The following RAD51AP1 variants were observed in gnomAD, a reference collection of about 807,000 sequenced individuals.
The protein encoded by RAD51AP1 is RAD51 associated protein 1.
A neutral mutation model predicts 34.3 loss-of-function variants in RAD51AP1; 14 were observed. The ratio of observed to expected loss-of-function variants is 0.41; its 90% CI spans 0.27 to 0.64. The LOEUF is 0.64. Among genes scored for constraint, RAD51AP1 ranks in the 30% least tolerant of loss-of-function variants. The pLI is 0.33. For missense variants in RAD51AP1, 348 were observed against 386.9 expected, an observed-to-expected ratio of 0.90 and a Z score of 0.84; for synonymous variants, 114 against 129.8, an observed-to-expected ratio of 0.88 and a Z score of 0.83.
intron 8 of RAD51AP1, among the ~76,000 whole-genome samples, chr12:4,557,858 C>T (rs1050722704): frequency 6.6e-6 from 1 of 152,124 alleles, no homozygotes; most frequent in African/African-American, 2.4e-5. Context: ...TACTCAGCTC[C>T]ATCGTATTGT....
At chr12:4,543,929 T>C (rs756699272) in intron 3 of RAD51AP1, 25 bp downstream of exon 3, 8 of 1,573,214 alleles carry the variant, frequency 5.1e-6, no homozygotes, top group Non-Finnish European at 6.1e-6. Context: ...ATGCAGTAAA[T>C]ATATGACATT....
At chr12:4,549,181 G>C (rs1944528563) in intron 6 of RAD51AP1, among the ~76,000 whole-genome samples, 1 of 152,202 alleles carries the variant, frequency 6.6e-6, no homozygotes, top group Non-Finnish European at 1.5e-5. Context: ...AGGGAGGCTG[G>C]TACTAATCAG....
intron 2 of RAD51AP1, among the ~76,000 whole-genome samples, chr12:4,543,359 C>T (rs570365812): frequency 6.6e-6 from 1 of 152,268 alleles, no homozygotes; most frequent in East Asian, 1.9e-4. Context: ...CTGTGCCTGG[C>T]CCAAGTAATG....
chr12:4,545,952 T>G, intron 3 of RAD51AP1: 1 of 1,176,270 alleles, frequency 8.5e-7, no homozygotes, highest in Non-Finnish European at 1.2e-6. Flanking sequence ...GTGGGTGAGG[T>G]CAAGGAAGAG....
At position 4,538,952 on chromosome 12, in the gene RAD51AP1, G is replaced by A. The variant is rs747557183; in HGVS notation, c.13G>A (p.Val5Met). The change falls in exon 1 of 9, where the codon GTG becomes ATG. Residue 5 changes from valine to methionine, a missense_variant. Val to Met is a conservative substitution (Grantham distance 21). Transcript: ENST00000352618. Reference protein sequence around the residue: MVRPVRHKKPVNYSQ... With the variant: MVRPMRHKKPVNYSQ... ...CTTGAAAGGGACCATGGTGCGGCCT[G>A]TGAGGTGGGTAGTTCCTGACATTCG... 1.2e-6 allele frequency: 2 copies of A among 1,614,056 alleles called. No individual in the cohort carries two copies. Among genetic ancestry groups the A allele is most frequent in the Non-Finnish European group, 1.7e-6 (2 of 1,179,878 alleles).
chr12:4,548,291 C>G, intron 5 of RAD51AP1, 113 bp downstream of exon 5: 1 of 1,366,990 alleles, frequency 7.3e-7, no homozygotes, highest in South Asian at 1.4e-5. Context: ...TCAAGACTCT[C>G]TTGATGTCAT....
At chr12:4,554,746 TC>T (rs1217254192) in intron 7 of RAD51AP1, among the ~76,000 whole-genome samples, 1 of 152,206 alleles carries the variant, frequency 6.6e-6, no homozygotes, top group Non-Finnish European at 1.5e-5. Flanking sequence ...ATATTTTTAG[TC>T]CTACTAGTAA....
intron 6 of RAD51AP1, 113 bp downstream of exon 6, chr12:4,548,949 A>G: frequency 8.7e-7 from 1 of 1,144,626 alleles, no homozygotes; most frequent in Non-Finnish European, 1.2e-6. Flanking sequence ...TGCAAACTTC[A>G]GGGACACACA....
At chr12:4,554,336 T>C (rs201650948) in intron 7 of RAD51AP1, among the ~76,000 whole-genome samples, 2 of 152,208 alleles carry the variant, frequency 1.3e-5, no homozygotes, top group African/African-American at 4.8e-5. Context: ...TGTGATTACA[T>C]TGGGCCCCTC....
intron 1 of RAD51AP1, among the ~76,000 whole-genome samples, chr12:4,541,335 C>T (rs1944465198): frequency 6.6e-6 from 1 of 152,256 alleles, no homozygotes; most frequent in East Asian, 1.9e-4. Flanking sequence ...CAAGGTCACT[C>T]ACCATTTTTA....
intron 7 of RAD51AP1, among the ~76,000 whole-genome samples, chr12:4,556,066 G>T (rs1944579914): frequency 6.6e-6 from 1 of 152,154 alleles, no homozygotes; most frequent in Non-Finnish European, 1.5e-5. Flanking sequence ...TCAGACTACA[G>T]GCAGATTGCT....
chr12:4,546,995 A>G (rs918326175), intron 4 of RAD51AP1, among the ~76,000 whole-genome samples: 1 of 152,106 alleles, frequency 6.6e-6, no homozygotes, highest in Non-Finnish European at 1.5e-5. Flanking sequence ...GTTGGGGGAT[A>G]TTTTAGCTTA....
rs1944509016 is a variant in RAD51AP1 at position 4,546,718 on chromosome 12, G to C, written c.319+300G>C. 2.6e-5 allele frequency among the ~76,000 whole-genome samples: 4 copies of C among 152,086 alleles called. No individual in the cohort carries two copies. In the South Asian group the frequency reaches 8.3e-4, roughly 32 times the overall value. ...ATTTAATTTCTTCATCAAATGATTT[G>C]ATCTGTACAGTCCTAACAATCCATC... On this transcript the variant is annotated intron_variant, in intron 4 of 8. Coordinates refer to ENST00000352618, the MANE Select transcript of RAD51AP1 (RefSeq NM_006479.5).
intron 7 of RAD51AP1, among the ~76,000 whole-genome samples, chr12:4,556,080 C>T (rs111528465): frequency 1.3e-5 from 2 of 152,110 alleles, no homozygotes; most frequent in African/African-American, 2.4e-5. Context: ...GATTGCTTAA[C>T]GTCTCTGTTT....
At position 4,548,706 on chromosome 12, in the gene RAD51AP1, G is replaced by A; in HGVS notation, c.426G>A (p.Val142=). The change falls in exon 6 of 9, where the codon GTG becomes GTA. Residue 142 remains valine (V), a synonymous_variant. Coordinates refer to ENST00000352618, the MANE Select transcript of RAD51AP1 (RefSeq NM_006479.5). ...SDYLDLDKIT[V]EDDVGGVQGK... is the part of the protein sequence containing the mutation. ...CTGAAGATTTGGATAAGATTACTGT[G>A]GAAGATGATGTTGGTGGTGTTCAAG... 1 of 1,613,680 alleles carries A rather than the reference G, an allele frequency of 6.2e-7. No individual in the cohort carries two copies. The highest frequency in any genetic ancestry group is 8.5e-7 in the Non-Finnish European group (1 of 1,179,856).
intron 7 of RAD51AP1, among the ~76,000 whole-genome samples, chr12:4,555,968 C>T (rs773039216): frequency 2.0e-5 from 3 of 152,186 alleles, no homozygotes; most frequent in Non-Finnish European, 4.4e-5. Flanking sequence ...CTGACACATA[C>T]TCACGAGACA....
At chr12:4,541,421 T>C (rs922263330) in intron 1 of RAD51AP1, among the ~76,000 whole-genome samples, 2 of 152,102 alleles carry the variant, frequency 1.3e-5, no homozygotes, top group African/African-American at 4.8e-5. Context: ...GTCAAGAAAT[T>C]TATAATCTAG....
chr12:4,554,637 C>T (rs1241476793), intron 7 of RAD51AP1, among the ~76,000 whole-genome samples: 1 of 151,994 alleles, frequency 6.6e-6, no homozygotes, highest in African/African-American at 2.4e-5. Context: ...TTTCTCTATC[C>T]CTTGGAGCAA....
At chr12:4,558,570 T>G (rs779035734) in intron 8 of RAD51AP1, among the ~76,000 whole-genome samples, 10 of 152,246 alleles carry the variant, frequency 6.6e-5, no homozygotes, top group Non-Finnish European at 1.3e-4. Context: ...TATGCATTTT[T>G]GTATGCCTTT....
Sources: gnomAD v4.1 joint callset for allele counts (sites outside exome capture counted in the v4.1 genomes callset) on GRCh38, gnomAD v4.1.1 for gene constraint, MANE v1.5 for transcripts, NCBI Gene and HGNC (gene_info 2026-07-23, HGNC 2026-07-21) for gene names.